The following DOCK4 variants were observed in gnomAD, a reference collection of about 807,000 sequenced individuals.
The protein encoded by DOCK4 is dedicator of cytokinesis 4.
In DOCK4, 97 loss-of-function variants were observed where a neutral mutation model predicts 268.1. That is an observed-to-expected ratio of 0.36 (90% CI 0.31 to 0.43). The LOEUF is 0.43. DOCK4 is among the 20% of genes least tolerant of loss of function. The pLI is 1.00. For synonymous variants in DOCK4, 954 were observed against 887.2 expected, an observed-to-expected ratio of 1.08 and a Z score of -1.34; for missense variants, 2,145 against 2,455.7, an observed-to-expected ratio of 0.87 and a Z score of 2.67.
intron 1 of DOCK4, among the ~76,000 whole-genome samples, chr7:112,049,871 G>A (rs1263339651): frequency 6.6e-6 from 1 of 152,180 alleles, no homozygotes; most frequent in African/African-American, 2.4e-5. Flanking sequence ...CAAGTCAGAT[G>A]TGCTGGAAAG....
chr7:111,900,297 C>G lies in DOCK4; in HGVS notation c.1480+77G>C, dbSNP rs1376795529. ...AAAAGTAATCAACTTAAGATCAACCCACATCTTCATGACAGCTCAGTAAGC... is the reference window on the plus strand; with the variant it reads ...AAAAGTAATCAACTTAAGATCAACCGACATCTTCATGACAGCTCAGTAAGC... On this transcript the variant is annotated intron_variant, in intron 15 of 52. Coordinates refer to ENST00000428084, the MANE Select transcript of DOCK4 (RefSeq NM_001363540.2). The G allele has an allele frequency of 1.0e-5, 15 of 1,488,516 alleles. No homozygotes were observed. The Admixed American group carries it at 2.9e-4, about 28-fold the overall frequency. The allele number at this position is 1,488,516 out of a possible 1,614,324, so 92.2% of individuals were successfully genotyped here.
chr7:111,882,847 G>C (rs1807517714), intron 16 of DOCK4, among the ~76,000 whole-genome samples: 1 of 152,108 alleles, frequency 6.6e-6, no homozygotes, highest in African/African-American at 2.4e-5. Flanking sequence ...GACCTCAGGT[G>C]ATCCGCCTGC....
At chr7:112,142,396 T>C (rs1359618495) in intron 1 of DOCK4, among the ~76,000 whole-genome samples, 1 of 152,094 alleles carries the variant, frequency 6.6e-6, no homozygotes, top group Non-Finnish European at 1.5e-5. Flanking sequence ...CCCAGGAAAC[T>C]CAAGACATGT....
In DOCK4 at chr7:111,732,386, G is replaced by T. The variant is rs1795165082; in HGVS notation, c.5420-99C>A. On this transcript the variant is annotated intron_variant, in intron 51 of 52. Coordinates refer to ENST00000428084, the MANE Select transcript of DOCK4 (RefSeq NM_001363540.2). ...GTTACAAACCCAAACAGATGATCCA[G>T]TGCATAAGGACCTTCTAAGCAAAGG... is the stretch of plus-strand genomic sequence containing the variant. 4.0e-6 allele frequency: 5 copies of T among 1,248,346 alleles called. No individual in the cohort carries two copies. The East Asian group carries it at 7.1e-5, about 18-fold the overall frequency. 77.3% of individuals were successfully genotyped at this position (1,248,346 alleles called of 1,614,324 possible).
At chr7:111,783,018 G>GAAAAAAA in intron 34 of DOCK4, 94 bp from the exon 35 acceptor site, 13 of 512,468 alleles carry the variant, frequency 2.5e-5, no homozygotes, top group East Asian at 7.4e-5. Flanking sequence ...AAGAAAGAAA[G>GAAAAAAA]AAAAAAAAAA....
chr7:111,758,500 T>C, intron 41 of DOCK4, 124 bp downstream of exon 41: 1 of 1,094,538 alleles, frequency 9.1e-7, no homozygotes, highest in African/African-American at 1.6e-5. Flanking sequence ...GACTAAATGA[T>C]TTATATAGTC....
At chr7:112,136,104 G>T (rs1814319638) in intron 1 of DOCK4, among the ~76,000 whole-genome samples, 1 of 152,170 alleles carries the variant, frequency 6.6e-6, no homozygotes, top group South Asian at 2.1e-4. Context: ...TACCCTCTCA[G>T]AAGTTTTGGC....
intron 1 of DOCK4, among the ~76,000 whole-genome samples, chr7:112,069,590 T>C (rs1807396570): frequency 6.6e-6 from 1 of 152,148 alleles, no homozygotes; most frequent in Admixed American, 6.5e-5. Flanking sequence ...ATAACACATA[T>C]ACAGTACAAA....
intron 1 of DOCK4, among the ~76,000 whole-genome samples, chr7:112,007,445 C>A (rs17159137): frequency 6.6e-6 from 1 of 152,088 alleles, no homozygotes; most frequent in African/African-American, 2.4e-5. Context: ...TTTTAAACTG[C>A]GGATCATATT....
intron 47 of DOCK4, 43 bp downstream of exon 47, chr7:111,741,051 A>C (rs2133435142): frequency 1.2e-6 from 2 of 1,608,794 alleles, no homozygotes. Context: ...TGATTGAGAC[A>C]GAAAAGGAAT....
chr7:111,919,277 T>G (rs943043517), intron 12 of DOCK4, among the ~76,000 whole-genome samples: 3 of 152,014 alleles, frequency 2.0e-5, no homozygotes, highest in African/African-American at 7.2e-5. Flanking sequence ...AAAAATGCTT[T>G]AGAAAAAGAC....
At chr7:111,943,023 T>C (rs1795330751) in intron 10 of DOCK4, among the ~76,000 whole-genome samples, 1 of 152,228 alleles carries the variant, frequency 6.6e-6, no homozygotes, top group African/African-American at 2.4e-5. Flanking sequence ...CCAATTTCAC[T>C]CCATCAAGGG....
At chr7:111,978,180 A>T (rs1421644955) in intron 7 of DOCK4, among the ~76,000 whole-genome samples, 1 of 152,204 alleles carries the variant, frequency 6.6e-6, no homozygotes, top group Non-Finnish European at 1.5e-5. Flanking sequence ...AAATTGTCAC[A>T]CATACACATG....
chr7:111,959,430 T>C (rs996593694), intron 8 of DOCK4, among the ~76,000 whole-genome samples: 4 of 152,200 alleles, frequency 2.6e-5, no homozygotes, highest in African/African-American at 9.7e-5. Flanking sequence ...TTCAAAACAA[T>C]ATATGCTCCT....
intron 8 of DOCK4, among the ~76,000 whole-genome samples, chr7:111,969,678 GAA>G (rs57980511): frequency 4.9e-4 from 70 of 144,064 alleles, no homozygotes; most frequent in African/African-American, 1.7e-3. Flanking sequence ...AGTTGAACCA[GAA>G]AAAAAAAAAA....
intron 8 of DOCK4, among the ~76,000 whole-genome samples, chr7:111,953,271 T>C (rs1314030565): frequency 3.3e-5 from 5 of 151,986 alleles, no homozygotes; most frequent in African/African-American, 4.8e-5. Context: ...ATACCCATTC[T>C]ACACTGAGTA....
chr7:111,929,917 A>G (rs1429571766), intron 12 of DOCK4, among the ~76,000 whole-genome samples: 1 of 152,226 alleles, frequency 6.6e-6, no homozygotes, highest in Non-Finnish European at 1.5e-5. Flanking sequence ...CTTGGGACAT[A>G]CTGAACCATA....
At chr7:111,856,857 A>G (rs1326931671) in intron 23 of DOCK4, among the ~76,000 whole-genome samples, 1 of 152,202 alleles carries the variant, frequency 6.6e-6, no homozygotes, top group Non-Finnish European at 1.5e-5. Context: ...ATATACTTTT[A>G]CATTAGATCA....
chr7:111,895,570 A>C (rs1239972278), intron 16 of DOCK4, 42 bp downstream of exon 16: 1 of 1,524,244 alleles, frequency 6.6e-7, no homozygotes, highest in South Asian at 1.1e-5. Flanking sequence ...TTATTTCAGC[A>C]CTGTTTTTTA....
Sources: allele counts gnomAD v4.1 joint callset (sites outside exome capture counted in the v4.1 genomes callset), GRCh38; gene constraint gnomAD v4.1.1; transcripts MANE v1.5; gene names NCBI Gene and HGNC (gene_info 2026-07-23, HGNC 2026-07-21).